The following TBC1D4 variants were observed in gnomAD, a reference collection of about 807,000 sequenced individuals.
TBC1D4 encodes the protein TBC (Tre-2, BUB2, CDC16) domain-containing protein.
A neutral mutation model predicts 142.5 loss-of-function variants in TBC1D4; 121 were observed. The observed-to-expected ratio is 0.85, with a 90% CI of 0.73 to 0.99. The LOEUF is 0.99. Among genes scored for constraint, TBC1D4 ranks in the 50% least tolerant of loss-of-function variants. TBC1D4 has a pLI of 0.00. For missense variants in TBC1D4, 1,475 were observed against 1,606.6 expected, an observed-to-expected ratio of 0.92 and a Z score of 1.40; for synonymous variants, 630 against 628.2, an observed-to-expected ratio of 1.00 and a Z score of -0.04.
At chr13:75,342,636 G>A (rs1050133226) in intron 5 of TBC1D4, among the ~76,000 whole-genome samples, 1 of 151,834 alleles carries the variant, frequency 6.6e-6, no homozygotes, top group African/African-American at 2.4e-5. Flanking sequence ...TCATGAGAAG[G>A]TTGTTTTTAA....
chr13:75,297,397 C>T (rs1008465317), intron 17 of TBC1D4, among the ~76,000 whole-genome samples: 1 of 152,054 alleles, frequency 6.6e-6, no homozygotes, highest in Non-Finnish European at 1.5e-5. Flanking sequence ...GCTACCAAAC[C>T]GTTGTTTCTG....
At chr13:75,481,197 C>CCCCCCCCA in intron 1 of TBC1D4, 73 bp downstream of exon 1, 1 of 1,163,286 alleles carries the variant, frequency 8.6e-7, no homozygotes, top group Non-Finnish European at 1.2e-6. Flanking sequence ...AAGTGGGGTC[C>CCCCCCCCA]CCGCCCCTCC....
chr13:75,295,843 A>C (rs982556297), intron 17 of TBC1D4, among the ~76,000 whole-genome samples: 1 of 152,188 alleles, frequency 6.6e-6, no homozygotes, highest in African/African-American at 2.4e-5. Context: ...TTCCCTGATC[A>C]GTTATATTGG....
intron 1 of TBC1D4, among the ~76,000 whole-genome samples, chr13:75,392,472 T>C (rs1451598346): frequency 6.6e-6 from 1 of 152,168 alleles, no homozygotes; most frequent in Non-Finnish European, 1.5e-5. Context: ...CTCACATCAA[T>C]GTTCTCATGT....
intron 19 of TBC1D4, among the ~76,000 whole-genome samples, chr13:75,291,335 C>T (rs1305449846): frequency 6.6e-6 from 1 of 152,172 alleles, no homozygotes; most frequent in Non-Finnish European, 1.5e-5. Flanking sequence ...GCACAGAACC[C>T]TCCTCCACGG....
chr13:75,386,689 A>G (rs947812097), intron 1 of TBC1D4, among the ~76,000 whole-genome samples: 17 of 152,112 alleles, frequency 1.1e-4, no homozygotes, highest in African/African-American at 3.1e-4. Context: ...TTCATGATAC[A>G]TGCTCATTGG....
intron 1 of TBC1D4, among the ~76,000 whole-genome samples, chr13:75,378,359 T>C (rs1342239292): frequency 2.0e-5 from 3 of 152,142 alleles, no homozygotes; most frequent in Non-Finnish European, 4.4e-5. Context: ...CCTCTTGATC[T>C]CTAGATTTTC....
At chr13:75,323,921 A>AGTATATGTTAGCATCAGTTGTG (rs1214597198) in intron 11 of TBC1D4, among the ~76,000 whole-genome samples, 2 of 152,242 alleles carry the variant, frequency 1.3e-5, no homozygotes, top group East Asian at 3.8e-4. Flanking sequence ...AGGTTCACTT[A>AGTATATGTTAGCATCAGTTGTG]GTATATGTTA....
At chr13:75,349,373 T>C (rs1881421723) in intron 4 of TBC1D4, 71 bp from the exon 5 acceptor site, 2 of 1,588,284 alleles carry the variant, frequency 1.3e-6, no homozygotes. Context: ...TCAACAGCAA[T>C]GTGAGCCTTT....
intron 1 of TBC1D4, among the ~76,000 whole-genome samples, chr13:75,458,089 C>T (rs1297936410): frequency 6.6e-6 from 1 of 152,072 alleles, no homozygotes; most frequent in African/African-American, 2.4e-5. Context: ...CCTTTTACAC[C>T]CTCTCCTCTT....
chr13:75,293,920 C>T (rs889976920), intron 18 of TBC1D4, among the ~76,000 whole-genome samples: 3 of 152,018 alleles, frequency 2.0e-5, no homozygotes, highest in East Asian at 1.9e-4. Context: ...CCTACAATGG[C>T]GCCAATACAA....
chr13:75,403,654 T>C (rs558160314), intron 1 of TBC1D4, among the ~76,000 whole-genome samples: 2 of 152,332 alleles, frequency 1.3e-5, no homozygotes, highest in South Asian at 4.1e-4. Flanking sequence ...GTTTTTATCT[T>C]AATAAATTAT....
chr13:75,452,112 T>C (rs556550261), intron 1 of TBC1D4, among the ~76,000 whole-genome samples: 3 of 152,178 alleles, frequency 2.0e-5, no homozygotes, highest in Non-Finnish European at 4.4e-5. Context: ...TTTTTTTGGT[T>C]GCTTATATTT....
At chr13:75,301,457 C>T (rs1242327929) in intron 16 of TBC1D4, among the ~76,000 whole-genome samples, 6 of 151,884 alleles carry the variant, frequency 4.0e-5, no homozygotes, top group East Asian at 1.9e-4. Context: ...CTGGCTAACA[C>T]GGTGAAACCC....
intron 1 of TBC1D4, among the ~76,000 whole-genome samples, chr13:75,425,194 T>G (rs575226227): frequency 6.6e-6 from 1 of 152,206 alleles, no homozygotes; most frequent in South Asian, 2.1e-4. Context: ...AACAAACATT[T>G]CTCAAGAGAA....
At position 75,481,328 on chromosome 13, in the gene TBC1D4, G is replaced by T. The variant is rs775098615; in HGVS notation, c.440C>A (p.Pro147His). Reference sequence around the variant, plus strand: ...GGCCATCTGCGACTCGGGGTCGTCGGGCTGCGCCTTGATCAGGTAGGCAAA... The same window carrying T: ...GGCCATCTGCGACTCGGGGTCGTCGTGCTGCGCCTTGATCAGGTAGGCAAA... ...TYFAYLIKAQ[P>H]DDPESQMACH... Residue 147 changes from proline (P) to histidine (H), a missense_variant, in exon 1 of 21, where the codon CCC (proline) becomes CAC (histidine). By Grantham distance (77) the Pro-to-His change is moderately conservative. Transcript: ENST00000377636. 1 of 1,613,944 alleles carries T rather than the reference G, an allele frequency of 6.2e-7. No individual in the cohort carries two copies. Among genetic ancestry groups the T allele is most frequent in the Non-Finnish European group, 8.5e-7 (1 of 1,179,836 alleles).
intron 7 of TBC1D4, among the ~76,000 whole-genome samples, chr13:75,338,203 A>G (rs565611841): frequency 1.3e-5 from 2 of 152,058 alleles, no homozygotes; most frequent in African/African-American, 4.8e-5. Context: ...GGAGGCAATA[A>G]GGGCCCACAC....
chr13:75,396,804 C>T (rs1321493812), intron 1 of TBC1D4, among the ~76,000 whole-genome samples: 1 of 151,962 alleles, frequency 6.6e-6, no homozygotes, highest in East Asian at 1.9e-4. Context: ...ATTCTGAGCA[C>T]TTGAGTATTT....
intron 15 of TBC1D4, among the ~76,000 whole-genome samples, chr13:75,305,188 T>C (rs1377342960): frequency 1.3e-5 from 2 of 152,204 alleles, no homozygotes; most frequent in Non-Finnish European, 2.9e-5. Flanking sequence ...ACCTTTCACC[T>C]TCCGCCATGA....
Sources: gnomAD v4.1 joint callset for allele counts (sites outside exome capture counted in the v4.1 genomes callset) on GRCh38, gnomAD v4.1.1 for gene constraint, MANE v1.5 for transcripts, NCBI Gene and HGNC (gene_info 2026-07-23, HGNC 2026-07-21) for gene names.